RASAL1: variants seen among roughly 807,000 people sequenced by gnomAD.
The protein encoded by RASAL1 is rasGAP-activating-like protein 1.
A neutral mutation model predicts 96.6 loss-of-function variants in RASAL1; 72 were observed. The observed-to-expected ratio is 0.75, with a 90% confidence interval of 0.62 to 0.91. The LOEUF is 0.91. Ranked by LOEUF, RASAL1 falls within the 40% of genes least tolerant of loss-of-function variation. The pLI is 0.00. For synonymous variants in RASAL1, 405 were observed against 430.4 expected, an observed-to-expected ratio of 0.94 and a Z score of 0.73; for missense variants, 1,016 against 1,072.5, an observed-to-expected ratio of 0.95 and a Z score of 0.74.
chr12:113,100,071 AG>A lies in RASAL1; in HGVS notation c.2279-4del. On this transcript the variant is annotated splice_polypyrimidine_tract_variant and splice_region_variant and intron_variant, in intron 20 of 20. Coordinates refer to ENST00000548055, the MANE Select transcript of RASAL1 (RefSeq NM_001301202.2). The stretch of plus-strand genomic sequence containing the variant: ...GGCCAGGACCTCAGGACAGGCCCCT[AG>A]GAGGGAGACAAGAGGCCACAGGGGC... 1 of 1,599,646 alleles carries A rather than the reference AG, an allele frequency of 6.3e-7. No individual in the cohort carries two copies. Among genetic ancestry groups the A allele is most frequent in the East Asian group, 2.3e-5 (1 of 44,418 alleles).
chr12:113,107,506 C>A (rs1039853370), intron 14 of RASAL1: 14 of 568,242 alleles, frequency 2.5e-5, no homozygotes, highest in Middle Eastern at 3.9e-4. Flanking sequence ...GCCTGTAAAT[C>A]CAGCTACTCC....
chr12:113,131,969 T>C (rs1313878098), intron 1 of RASAL1, among the ~76,000 whole-genome samples: 1 of 102,748 alleles, frequency 9.7e-6, no homozygotes, highest in South Asian at 3.3e-4. Context: ...CTTCTTCTTC[T>C]TTTTTTTTTT....
rs151288599 is a variant in RASAL1, at chr12:113,114,861, C to T, written c.1120G>A (p.Val374Ile). ...HEVLKPVISRVFEEKKYMELD... is the reference protein window; with the variant it reads ...HEVLKPVISRIFEEKKYMELD... Reference sequence around the variant, plus strand: ...TCCATGTACTTCTTCTCCTCAAAGACACGGCTAATCACAGGCTTCAGGACC... The same window carrying T: ...TCCATGTACTTCTTCTCCTCAAAGATACGGCTAATCACAGGCTTCAGGACC... The change falls in exon 12 of 21, where the codon GTC becomes ATC. Residue 374 changes from valine (V) to isoleucine (I), a missense_variant. Transcript: ENST00000548055. 254 of 1,614,206 alleles carry T rather than the reference C, an allele frequency of 1.6e-4. 3 individuals are homozygous for T. In the African/African-American group the frequency reaches 3.2e-3, roughly 20 times the overall value.
intron 5 of RASAL1, among the ~76,000 whole-genome samples, chr12:113,120,798 T>A (rs920342156): frequency 1.3e-5 from 2 of 152,142 alleles, no homozygotes; most frequent in African/African-American, 4.8e-5. Context: ...GGACAGGACC[T>A]ATCTCCTTCT....
rs1951608289 is a variant in RASAL1, at chr12:113,129,122, G to A, written c.123-944C>T. On this transcript the variant is annotated intron_variant, in intron 2 of 20. Coordinates refer to ENST00000548055, the MANE Select transcript of RASAL1 (RefSeq NM_001301202.2). The surrounding 1 kb of genome is among the most constrained non-coding windows in gnomAD (Gnocchi z 5.0). ...AGGTGTCAGGGCTGCTTACCCCACAGACCCCCCTTCCACAAGCAGGCGCTC... is the reference window on the plus strand; with the variant it reads ...AGGTGTCAGGGCTGCTTACCCCACAAACCCCCCTTCCACAAGCAGGCGCTC... Among the ~76,000 whole-genome samples, 1 of 152,192 alleles carries A rather than the reference G, an allele frequency of 6.6e-6. No homozygotes were observed. Among genetic ancestry groups the A allele is most frequent in the South Asian group, 2.1e-4 (1 of 4,824 alleles).
chr12:113,112,218 C>T lies in RASAL1; in HGVS notation c.1242G>A (p.Leu414=). 2 of 1,265,366 alleles carry T rather than the reference C, an allele frequency of 1.6e-6. No individual in the cohort carries two copies. Among genetic ancestry groups the T allele is most frequent in the South Asian group, 3.7e-5 (1 of 27,154 alleles). The allele number at this position is 1,265,366 out of a possible 1,614,324, so 78.4% of individuals were successfully genotyped here. Residue 414 remains leucine (L), a synonymous_variant, in exon 13 of 21, where the codon CTG becomes CTA. Coordinates refer to ENST00000548055, the MANE Select transcript of RASAL1 (RefSeq NM_001301202.2). Reference sequence around the variant, plus strand: ...CGATGGGCCCCAGGTAGCCCGTCAGCAGCCCCAGGCTGGTCTCCCGCATCT... The same window carrying T: ...CGATGGGCCCCAGGTAGCCCGTCAGTAGCCCCAGGCTGGTCTCCCGCATCT... ...EEQMRETSLG[L]LTGYLGPIVD...
At position 113,108,029 on chromosome 12, in the gene RASAL1, C is replaced by T. The variant is rs1239924501; in HGVS notation, c.1512+56G>A. The T allele has an allele frequency of 2.6e-6, 4 of 1,559,608 alleles. No individual in the cohort carries two copies. In the African/African-American group the frequency reaches 4.1e-5, roughly 16 times the overall value. On this transcript the variant is annotated intron_variant, in intron 14 of 20. Coordinates refer to ENST00000548055, the MANE Select transcript of RASAL1 (RefSeq NM_001301202.2). ...GTCTGGCCTCCCAGCTCTGCTCCTACCATGCTTTTTTCCCTGGCTAAAGTA... is the reference window on the plus strand; with the variant it reads ...GTCTGGCCTCCCAGCTCTGCTCCTATCATGCTTTTTTCCCTGGCTAAAGTA...
Position 113,127,835 on chromosome 12 carries a change from TCC to T in RASAL1, c.273_274del (p.Glu92GlyfsTer10). On this transcript the variant is annotated frameshift_variant, in exon 4 of 21. Transcript: ENST00000548055. LOFTEE classifies it high-confidence loss of function. Reference sequence around the variant, plus strand: ...ACCTCGGGGGTCGGCTGTAATCGCCTCCCTGCTCAGCGAGATCTTGCCGATGA... The same window carrying T: ...ACCTCGGGGGTCGGCTGTAATCGCCTCTGCTCAGCGAGATCTTGCCGATGA... 6.2e-7 allele frequency: 1 copy of T among 1,613,058 alleles called. No individual in the cohort carries two copies. Among genetic ancestry groups the T allele is most frequent in the Non-Finnish European group, 8.5e-7 (1 of 1,179,230 alleles).
chr12:113,107,165 A>C lies in RASAL1; in HGVS notation c.1589T>G (p.Phe530Cys). 1.2e-6 allele frequency: 2 copies of C among 1,613,894 alleles called. No homozygotes were observed. Among genetic ancestry groups the C allele is most frequent in the Non-Finnish European group, 1.7e-6 (2 of 1,179,846 alleles). The change falls in exon 15 of 21, where the codon TTC becomes TGC. Residue 530 changes from phenylalanine (F) to cysteine (C), a missense_variant. By Grantham distance (205) the Phe-to-Cys change is radical. Coordinates refer to ENST00000548055, the MANE Select transcript of RASAL1 (RefSeq NM_001301202.2). Reference protein sequence around the residue: ...KELWMAPLHPFLLQCVSRVRD... With the variant: ...KELWMAPLHPCLLQCVSRVRD... ...CACACGTGAGACACACTGCAGCAGG[A>C]AGGGGTGCAGGGGGGCCATCCACAG...
chr12:113,111,162 CA>C (rs1950854101), intron 13 of RASAL1, among the ~76,000 whole-genome samples: 2 of 152,172 alleles, frequency 1.3e-5, no homozygotes, highest in African/African-American at 4.8e-5. Context: ...CTTTTCTATC[CA>C]TGTTGGTATA....
chr12:113,108,016 A>G, intron 14 of RASAL1, 69 bp downstream of exon 14: 1 of 1,519,990 alleles, frequency 6.6e-7, no homozygotes, highest in Non-Finnish European at 8.8e-7. Context: ...CTGGCCTCCC[A>G]GCTCTGCTCC....
intron 19 of RASAL1, among the ~76,000 whole-genome samples, chr12:113,101,137 G>A (rs1212690045): frequency 1.3e-5 from 2 of 152,236 alleles, no homozygotes; most frequent in Non-Finnish European, 2.9e-5. Flanking sequence ...CTGGTTGGGT[G>A]CAGTGGCTCA....
chr12:113,126,352 G>A (rs921896272), intron 4 of RASAL1, among the ~76,000 whole-genome samples: 1 of 151,974 alleles, frequency 6.6e-6, no homozygotes, highest in African/African-American at 2.4e-5. Flanking sequence ...GTAAAAGGCT[G>A]CAATTTGTAT....
At position 113,130,134 on chromosome 12, in the gene RASAL1, C is replaced by A. The variant is rs1192388228; in HGVS notation, c.122+751G>T. 6.6e-6 allele frequency among the ~76,000 whole-genome samples: 1 copy of A among 152,076 alleles called. No homozygotes were observed. The highest frequency in any genetic ancestry group is 3.2e-3 in the Middle Eastern group (1 of 316). Reference sequence around the variant, plus strand: ...GTCTCCATAGGAACCAAGGCCTCAGCCACCCACCAGCCCACCCACCCCCAT... The same window carrying A: ...GTCTCCATAGGAACCAAGGCCTCAGACACCCACCAGCCCACCCACCCCCAT... On this transcript the variant is annotated intron_variant, in intron 2 of 20. Transcript: ENST00000548055. This position sits in a 1 kb window ranked among gnomAD's most constrained non-coding sequence, Gnocchi z 5.1.
At chr12:113,116,503 G>A (rs1198038806) in intron 8 of RASAL1, among the ~76,000 whole-genome samples, 1 of 152,212 alleles carries the variant, frequency 6.6e-6, no homozygotes, top group Non-Finnish European at 1.5e-5. Context: ...GACAGGTGTA[G>A]GCAGGTATAG....
intron 2 of RASAL1, among the ~76,000 whole-genome samples, chr12:113,128,721 A>G (rs1164709910): frequency 1.3e-5 from 2 of 152,220 alleles, no homozygotes; most frequent in African/African-American, 4.8e-5. Flanking sequence ...ACATTTACAC[A>G]TAAGCAGATA....
intron 1 of RASAL1, among the ~76,000 whole-genome samples, chr12:113,132,253 G>T (rs1020822402): frequency 6.6e-6 from 1 of 152,076 alleles, no homozygotes; most frequent in African/African-American, 2.4e-5. Context: ...GATTACAGGC[G>T]TGAGCCACCA....
Position 113,099,928 on chromosome 12 carries a change from C to T in RASAL1, c.*1G>A. The T allele has an allele frequency of 3.7e-6, 6 of 1,609,790 alleles. No homozygotes were observed. Among genetic ancestry groups the T allele is most frequent in the Non-Finnish European group, 5.1e-6 (6 of 1,177,710 alleles). ...CCTTCCGGGCTAGCTCTGGCATTTC[C>T]TTAGGGGCCAAGGGGGCCCAGGGCC... On this transcript the variant is annotated 3_prime_UTR_variant, in exon 21 of 21. Coordinates refer to ENST00000548055, the MANE Select transcript of RASAL1 (RefSeq NM_001301202.2).
chr12:113,115,788 C>T lies in RASAL1; in HGVS notation c.850G>A (p.Glu284Lys), dbSNP rs757566324. Residue 284 changes from glutamate to lysine, a missense_variant and splice_region_variant, in exon 10 of 21, where the codon GAG becomes AAG. Glu to Lys is a moderately conservative substitution (Grantham distance 56). Coordinates refer to ENST00000548055, the MANE Select transcript of RASAL1 (RefSeq NM_001301202.2). The surrounding 1 kb of genome is among the most constrained non-coding windows in gnomAD (Gnocchi z 4.1). Reference protein sequence around the residue: ...LMESVQGPAEEDTASPLALLE... With the variant: ...LMESVQGPAEKDTASPLALLE... ...AAAGCCAAGGGGCTAGCAGTGTCCT[C>T]CTGGGTGGGGGCGGGAGACAAAGAT... is the stretch of plus-strand genomic sequence containing the variant. The T allele has an allele frequency of 2.0e-5, 33 of 1,613,918 alleles. No individual in the cohort carries two copies. Among genetic ancestry groups the T allele is most frequent in the African/African-American group, 2.7e-5 (2 of 74,918 alleles).
Sources: gnomAD v4.1 joint callset for allele counts (sites outside exome capture counted in the v4.1 genomes callset) on GRCh38, gnomAD v4.1.1 for gene constraint, Gnocchi (gnomAD v3.1) non-coding constraint, MANE v1.5 for transcripts, NCBI Gene and HGNC (gene_info 2026-07-23, HGNC 2026-07-21) for gene names.